PHRF1: variants seen among roughly 807,000 people sequenced by gnomAD.
PHRF1 encodes PHD and ring finger domains 1, also known as PHD and RING finger domain-containing protein 1.
In PHRF1, 53 loss-of-function variants were observed where a neutral mutation model predicts 128.9. That is an observed-to-expected ratio of 0.41 (90% CI 0.33 to 0.52). The LOEUF (loss-of-function observed/expected upper bound fraction) is 0.52. PHRF1 is among the 20% of genes least tolerant of loss of function. The pLI is 0.21. For synonymous variants in PHRF1, 1,178 were observed against 980.6 expected (o/e 1.20, Z -3.76); for missense variants, 2,503 against 2,284.5 (o/e 1.10, Z -1.95).
Position 607,611 on chromosome 11 carries a change from G to C in PHRF1, c.2155G>C (p.Gly719Arg), listed in dbSNP as rs1856032577. Reference sequence around the variant, plus strand: ...CATCAGCCGACTGACTGGCAGGGAGGGCACCGGGCAGCCAGGGCGAGGCAC... The same window carrying C: ...CATCAGCCGACTGACTGGCAGGGAGCGCACCGGGCAGCCAGGGCGAGGCAC... ...ACISRLTGRE[G>R]TGQPGRGTRA... The change falls in exon 14 of 18, where the codon GGC (glycine) becomes CGC (arginine). Residue 719 changes from glycine (G) to arginine (R), a missense_variant. Coordinates refer to ENST00000264555, the MANE Select transcript of PHRF1 (RefSeq NM_001286581.2). 1.9e-6 allele frequency: 3 copies of C among 1,612,250 alleles called. No homozygotes were observed. Among genetic ancestry groups the C allele is most frequent in the Non-Finnish European group, 2.5e-6 (3 of 1,179,786 alleles).
rs1395006173 is a variant in PHRF1, at chr11:612,168, G to C, written c.*391G>C. On this transcript the variant is annotated 3_prime_UTR_variant, in exon 18 of 18. Coordinates refer to ENST00000264555, the MANE Select transcript of PHRF1 (RefSeq NM_001286581.2). Reference sequence around the variant, plus strand: ...ATCTCTAGGTGGCCTCCCGCCAACAGCTGCTGTGTACCTTTGGCTCTGAAT... The same window carrying C: ...ATCTCTAGGTGGCCTCCCGCCAACACCTGCTGTGTACCTTTGGCTCTGAAT... 3.1e-6 allele frequency: 1 copy of C among 317,568 alleles called. No individual in the cohort carries two copies. Among genetic ancestry groups the C allele is most frequent in the Non-Finnish European group, 5.9e-6 (1 of 170,886 alleles). 19.7% of individuals were successfully genotyped at this position (317,568 alleles called of 1,614,324 possible). A position where few individuals can be genotyped will look rare whatever the true frequency, so the allele number is the denominator to read the frequency against.
intron 4 of PHRF1, among the ~76,000 whole-genome samples, chr11:589,707 G>C (rs1854819269): frequency 6.6e-6 from 1 of 152,286 alleles, no homozygotes; most frequent in Non-Finnish European, 1.5e-5. Context: ...GGGTAGCTCT[G>C]TGATAAGAAA....
At position 598,471 on chromosome 11, in the gene PHRF1, G is replaced by A. The variant is rs748615025; in HGVS notation, c.993G>A (p.Pro331=). The change falls in exon 9 of 18, where the codon CCG becomes CCA. Residue 331 remains proline, a synonymous_variant. Transcript: ENST00000264555. ...CCGTGTATCAGCGCCCCCTGACGCCGCGCACTCCCGCCCGACGGAAGAGGA... is the reference window on the plus strand; with the variant it reads ...CCGTGTATCAGCGCCCCCTGACGCCACGCACTCCCGCCCGACGGAAGAGGA... ...STAVYQRPLT[P]RTPARRKRKT... The A allele has an allele frequency of 2.2e-5, 35 of 1,609,996 alleles. No individual in the cohort carries two copies. In the African/African-American group the frequency reaches 2.7e-4, roughly 12 times the overall value.
At chr11:577,317 G>A (rs1029538339) in intron 1 of PHRF1, among the ~76,000 whole-genome samples, 4 of 152,242 alleles carry the variant, frequency 2.6e-5, no homozygotes, top group Non-Finnish European at 5.9e-5. Flanking sequence ...CGGGGCTTGT[G>A]TTGCCCCTTC....
At position 601,470 on chromosome 11, in the gene PHRF1, C is replaced by T. The variant is rs186145161; in HGVS notation, c.1025-104C>T. The T allele has an allele frequency of 3.0e-4, 450 of 1,518,168 alleles. 1 individual carries two copies. In the African/African-American group the frequency reaches 5.2e-3, roughly 17 times the overall value. The allele number at this position is 1,518,168 out of a possible 1,614,324, so 94.0% of individuals were successfully genotyped here. A position where few individuals can be genotyped will look rare whatever the true frequency, so the allele number is the denominator to read the frequency against. On this transcript the variant is annotated intron_variant, in intron 9 of 17. Coordinates refer to ENST00000264555, the MANE Select transcript of PHRF1 (RefSeq NM_001286581.2). ...AATTGCAAGCCGGTGCGTGTGGTCC[C>T]GCTGTACCGGCTCCTTGGGCTCCGT... is the stretch of plus-strand genomic sequence containing the variant.
Position 607,921 on chromosome 11 carries a change from CGAA to C in PHRF1, c.2467_2469del (p.Lys823del), listed in dbSNP as rs1856055263. 2 of 1,612,490 alleles carry C rather than the reference CGAA, an allele frequency of 1.2e-6. No homozygotes were observed. The highest frequency in any genetic ancestry group is 1.7e-6 in the Non-Finnish European group (2 of 1,179,870). ...TCACCCCTCTTCTCCATCAAGAAGACGAAGCAGCTGCGGAGCGAGGTCTACGAC... is the reference window on the plus strand; with the variant it reads ...TCACCCCTCTTCTCCATCAAGAAGACGCAGCTGCGGAGCGAGGTCTACGAC... On this transcript the variant is annotated inframe_deletion, in exon 14 of 18. Coordinates refer to ENST00000264555, the MANE Select transcript of PHRF1 (RefSeq NM_001286581.2).
intron 3 of PHRF1, 44 bp downstream of exon 3, chr11:582,125 T>G (rs914252407): frequency 6.4e-7 from 1 of 1,554,580 alleles, no homozygotes; most frequent in African/African-American, 1.4e-5. Context: ...TTTCCTCTTG[T>G]CGTGATGGGG....
At chr11:582,485 T>C (rs1854264913) in intron 3 of PHRF1, among the ~76,000 whole-genome samples, 1 of 152,028 alleles carries the variant, frequency 6.6e-6, no homozygotes, top group African/African-American at 2.4e-5. Flanking sequence ...TCTGGAACTC[T>C]TCCTGACCTC....
At chr11:589,169 T>G (rs909192846) in intron 4 of PHRF1, among the ~76,000 whole-genome samples, 29 of 151,442 alleles carry the variant, frequency 1.9e-4, no homozygotes, top group African/African-American at 7.3e-5. Context: ...ACAGATGAAC[T>G]GTTAAAATGC....
rs951029279 is a variant in PHRF1 at position 587,242 on chromosome 11, G to C, written c.215-17G>C. The C allele has an allele frequency of 6.2e-7, 1 of 1,611,308 alleles. No homozygotes were observed. The highest frequency in any genetic ancestry group is 1.7e-5 in the Admixed American group (1 of 59,724). On this transcript the variant is annotated splice_polypyrimidine_tract_variant and intron_variant, in intron 3 of 17. Coordinates refer to ENST00000264555, the MANE Select transcript of PHRF1 (RefSeq NM_001286581.2). The stretch of plus-strand genomic sequence containing the variant: ...CTGCCCATCCTGCTTGCACCAGCTG[G>C]CATGTTTCCTCTCCAGGTTCCGAGG...
intron 3 of PHRF1, among the ~76,000 whole-genome samples, chr11:584,111 C>T (rs796154476): frequency 1.3e-5 from 2 of 152,344 alleles, no homozygotes; most frequent in African/African-American, 4.8e-5. Flanking sequence ...GTGTGTTGGC[C>T]GTGTCCTTCC....
At position 610,622 on chromosome 11, in the gene PHRF1, G is replaced by T. The variant is rs1453077466; in HGVS notation, c.4538G>T (p.Gly1513Val). Residue 1513 changes from glycine (G) to valine (V), a missense_variant, in exon 16 of 18, where the codon GGG becomes GTG. Gly to Val is a moderately radical substitution (Grantham distance 109). Transcript: ENST00000264555. The part of the protein sequence containing the change: ...LQGSLPLVGC[G>V]AAQTLAPVPA... ...GGGAGCCTGCCGCTAGTGGGCTGTG[G>T]GGCAGCACAGACCCTGGCCCCAGTG... The T allele has an allele frequency of 1.2e-6, 2 of 1,605,862 alleles. No individual in the cohort carries two copies. Among genetic ancestry groups the T allele is most frequent in the Non-Finnish European group, 1.7e-6 (2 of 1,179,802 alleles).
intron 10 of PHRF1, among the ~76,000 whole-genome samples, chr11:603,725 G>GTTTTTTTTTTTTTTTTTTTTTTT (rs1233128066): frequency 2.9e-5 from 3 of 103,282 alleles, no homozygotes; most frequent in African/African-American, 8.6e-5. Flanking sequence ...CCATATTTAA[G>GTTTTTTTTTTTTTTTTTTTTTTT]TTTGTTTTTT....
chr11:611,455 T>C (rs889891516), intron 17 of PHRF1, among the ~76,000 whole-genome samples, 179 bp from the exon 18 acceptor site: 2 of 152,066 alleles, frequency 1.3e-5, no homozygotes, highest in African/African-American at 4.8e-5. Flanking sequence ...GTGAGCGGCA[T>C]AGCGAACAGG....
Position 609,636 on chromosome 11 carries a change from C to G in PHRF1, c.4180C>G (p.Leu1394Val). 6.3e-7 allele frequency: 1 copy of G among 1,578,146 alleles called. No individual in the cohort carries two copies. Among genetic ancestry groups the G allele is most frequent in the Non-Finnish European group, 8.6e-7 (1 of 1,164,094 alleles). The change falls in exon 14 of 18, where the codon CTG becomes GTG. Residue 1394 changes from leucine to valine, a missense_variant. By Grantham distance (32) the Leu-to-Val change is conservative. Coordinates refer to ENST00000264555, the MANE Select transcript of PHRF1 (RefSeq NM_001286581.2). ...GGAGGTGGTTTCGCAGACCCCCCTG[C>G]TGCGGTCCAGAGCCCTGGTGAAGCG... ...PEEVVSQTPL[L>V]RSRALVKRVT...
intron 2 of PHRF1, 145 bp from the exon 3 acceptor site, chr11:581,817 T>C (rs1854221647): frequency 1.6e-6 from 2 of 1,248,908 alleles, no homozygotes; most frequent in South Asian, 3.2e-5. Flanking sequence ...CTTTCCTTGC[T>C]TGTGCCCCCA....
Position 597,480 on chromosome 11 carries a change from T to A in PHRF1, c.804T>A (p.Gly268=). ...CCAGCAGGCTTCGGCCTCGAGCAGG[T>A]AGGACCCGGGCGATAGCCAGGACAC... ...PTTSRLRPRA[G]RTRAIARTRQ... is the part of the protein sequence containing the mutation. Residue 268 remains glycine, a synonymous_variant, in exon 8 of 18, where the codon GGT becomes GGA. Transcript: ENST00000264555. This position sits in a 1 kb window ranked among gnomAD's most constrained non-coding sequence, Gnocchi z 6.5. 1 of 1,612,592 alleles carries A rather than the reference T, an allele frequency of 6.2e-7. No individual in the cohort carries two copies. Among genetic ancestry groups the A allele is most frequent in the Non-Finnish European group, 8.5e-7 (1 of 1,179,556 alleles).
intron 11 of PHRF1, 67 bp downstream of exon 11, chr11:605,367 C>T (rs572743388): frequency 1.0e-5 from 16 of 1,574,900 alleles, no homozygotes; most frequent in South Asian, 3.4e-5. Context: ...GGGCACGGGG[C>T]CCCGAGGTGC....
intron 5 of PHRF1, among the ~76,000 whole-genome samples, 187 bp downstream of exon 5, chr11:591,654 G>T (rs1854979285): frequency 6.6e-6 from 1 of 152,182 alleles, no homozygotes; most frequent in African/African-American, 2.4e-5. Context: ...TGGGTTGGGG[G>T]TTAGAGGCAG....
Sources: gnomAD v4.1 joint callset for allele counts (sites outside exome capture counted in the v4.1 genomes callset) on GRCh38, gnomAD v4.1.1 for gene constraint, Gnocchi (gnomAD v3.1) non-coding constraint, MANE v1.5 for transcripts, NCBI Gene and HGNC (gene_info 2026-07-23, HGNC 2026-07-21) for gene names.